Variants in ZNF805 observed in about 807,000 individuals in gnomAD.
ZNF805 encodes CTC-444N24.8.
ZNF805 carries 7 observed loss-of-function variants against 13.6 expected under a neutral mutation model. The ratio of observed to expected loss-of-function variants is 0.51; its 90% CI spans 0.29 to 0.97. The LOEUF (loss-of-function observed/expected upper bound fraction) is 0.97, where lower values mean the gene tolerates loss of function less well. Ranked by LOEUF, ZNF805 falls within the 50% of genes least tolerant of loss-of-function variation. The pLI is 0.08. For synonymous variants in ZNF805, 293 were observed against 279.8 expected, an observed-to-expected ratio of 1.05 and a Z score of -0.47; for missense variants, 604 against 771.0, an observed-to-expected ratio of 0.78 and a Z score of 2.57.
intron 3 of ZNF805, 122 bp from the exon 4 acceptor site, chr19:57,252,951 G>A: frequency 1.1e-6 from 1 of 883,836 alleles, no homozygotes; most frequent in South Asian, 4.1e-5. Flanking sequence ...GGTTCAAGAT[G>A]GCAAAATATA....
At chr19:57,248,169 G>C (rs1260230183) in intron 2 of ZNF805, among the ~76,000 whole-genome samples, 1 of 151,058 alleles carries the variant, frequency 6.6e-6, no homozygotes, top group East Asian at 1.9e-4. Flanking sequence ...TTTAGTCTTT[G>C]GTTTAGAGGA....
Position 57,253,053 on chromosome 19 carries a change from G to C in ZNF805, c.254-20G>C, listed in dbSNP as rs912095245. ...TTTTACATTACTAACAAGCCCTTCT[G>C]TGTGTTGGATTTCTTTCAGGTGACA... On this transcript the variant is annotated intron_variant, in intron 3 of 3. Coordinates refer to ENST00000414468, the MANE Select transcript of ZNF805 (RefSeq NM_001023563.4). This position sits in a 1 kb window ranked among gnomAD's most constrained non-coding sequence, Gnocchi z 4.4. The C allele has an allele frequency of 2.7e-5, 39 of 1,420,138 alleles. No individual in the cohort carries two copies. Among genetic ancestry groups the C allele is most frequent in the Non-Finnish European group, 3.0e-5 (33 of 1,084,720 alleles). 88.0% of individuals were successfully genotyped at this position (1,420,138 alleles called of 1,614,324 possible).
chr19:57,241,302 A>G (rs10423613), intron 1 of ZNF805, among the ~76,000 whole-genome samples: 36,299 of 151,768 alleles, frequency 0.24, 4,497 homozygotes, highest in South Asian at 0.31. Context: ...CTGGAACAGT[A>G]GGCCCCAAAT....
chr19:57,242,721 G>A lies in ZNF805; in HGVS notation c.31-1202G>A, dbSNP rs115969871. ...CAGGCATTTGGTACTTGTGAATTTG[G>A]TGATGAGGGTTTTGCCCACATCTTG... On this transcript the variant is annotated intron_variant, in intron 1 of 3. Coordinates refer to ENST00000414468, the MANE Select transcript of ZNF805 (RefSeq NM_001023563.4). 3.1e-3 allele frequency among the ~76,000 whole-genome samples: 466 copies of A among 152,272 alleles called. 3 individuals carry two copies. Among genetic ancestry groups the A allele is most frequent in the African/African-American group, 0.011 (453 of 41,544 alleles).
At chr19:57,241,169 CT>C (rs2087577708) in intron 1 of ZNF805, among the ~76,000 whole-genome samples, 1 of 152,038 alleles carries the variant, frequency 6.6e-6, no homozygotes, top group African/African-American at 2.4e-5. Context: ...TTGTAGCAAC[CT>C]GCCCAGGAAA....
Position 57,262,197 on chromosome 19 carries a change from GCT to G in ZNF805, c.*7497_*7498del, listed in dbSNP as rs1475412114. On this transcript the variant is annotated 3_prime_UTR_variant, in exon 4 of 4. Transcript: ENST00000414468. ...ATCAAAGAATAGCAGTCTCTGGCCT[GCT>G]CTGTTCTCTTTTTCACAGTAACTTA... 1 of 167,028 alleles carries G rather than the reference GCT, an allele frequency of 6.0e-6. No homozygotes were observed. The highest frequency in any genetic ancestry group is 1.5e-5 in the Non-Finnish European group (1 of 68,122). The allele number at this position is 167,028 out of a possible 1,614,324, so 10.3% of individuals were successfully genotyped here. A position where few individuals can be genotyped will look rare whatever the true frequency, so the allele number is the denominator to read the frequency against.
Position 57,253,130 on chromosome 19 carries a change from A to C in ZNF805, c.311A>C (p.Glu104Ala), listed in dbSNP as rs1196528074. Reference protein sequence around the residue: ...EPTTCELALSEGISFWGQLTQ... With the variant: ...EPTTCELALSAGISFWGQLTQ... Reference sequence around the variant, plus strand: ...ACCACCTGTGAGCTAGCCTTGTCTGAAGGAATCTCTTTTTGGGGACAACTA... The same window carrying C: ...ACCACCTGTGAGCTAGCCTTGTCTGCAGGAATCTCTTTTTGGGGACAACTA... Residue 104 changes from glutamate to alanine, a missense_variant, in exon 4 of 4, where the codon GAA becomes GCA. By Grantham distance (107) the Glu-to-Ala change is moderately radical (BLOSUM62 -1). Around this residue, in one of 3 missense-constraint regions of ZNF805, gnomAD observed 327 missense variants for 378.2 expected, o/e 0.86. Transcript: ENST00000414468. This position sits in a 1 kb window ranked among gnomAD's most constrained non-coding sequence, Gnocchi z 4.4. 6.6e-7 allele frequency: 1 copy of C among 1,521,902 alleles called. No homozygotes were observed. Among genetic ancestry groups the C allele is most frequent in the Non-Finnish European group, 8.8e-7 (1 of 1,138,720 alleles). 94.3% of individuals were successfully genotyped at this position (1,521,902 alleles called of 1,614,324 possible).
chr19:57,243,754 TTACAG>T (rs1309312192), intron 1 of ZNF805, among the ~76,000 whole-genome samples, 164 bp from the exon 2 acceptor site: 2 of 152,220 alleles, frequency 1.3e-5, no homozygotes, highest in Non-Finnish European at 2.9e-5. Context: ...CTCTTTTACA[TTACAG>T]TAATCTGTCC....
intron 1 of ZNF805, among the ~76,000 whole-genome samples, chr19:57,243,687 C>T (rs10418480): frequency 0.46 from 70,497 of 152,004 alleles, 17,045 homozygotes; most frequent in Non-Finnish European, 0.53. Context: ...TCGCCATCCA[C>T]GAGTTATTGC....
Position 57,260,789 on chromosome 19 carries a change from T to C in ZNF805, c.*6086T>C, listed in dbSNP as rs1451398291. Among the ~76,000 whole-genome samples the C allele has an allele frequency of 6.6e-6, 1 of 152,234 alleles. No individual in the cohort carries two copies. The highest frequency in any genetic ancestry group is 1.5e-5 in the Non-Finnish European group (1 of 68,036). On this transcript the variant is annotated 3_prime_UTR_variant, in exon 4 of 4. Transcript: ENST00000414468. The stretch of plus-strand genomic sequence containing the variant: ...CCACTGGTCATCCTTCCACACCTTT[T>C]CTGTATTTGCACTCACTGAGCCTAT...
Position 57,254,408 on chromosome 19 carries a change from C to G in ZNF805, c.1589C>G (p.Ser530Cys). The change falls in exon 4 of 4, where the codon TCT (serine) becomes TGT (cysteine). Residue 530 changes from serine (S) to cysteine (C), a missense_variant. By Grantham distance (112) the Ser-to-Cys change is moderately radical. Around this residue, in one of 3 missense-constraint regions of ZNF805, gnomAD observed 228 missense variants for 352.8 expected, o/e 0.65. Transcript: ENST00000414468. ...FCWSTNLIRH[S>C]IIHTGEKPYE... ...TGGAGCACAAACCTCATTCGACACT[C>G]TATCATCCACACTGGAGAGAAGCCG... 1.9e-6 allele frequency: 3 copies of G among 1,612,490 alleles called. No individual in the cohort carries two copies. Among genetic ancestry groups the G allele is most frequent in the Non-Finnish European group, 2.5e-6 (3 of 1,179,494 alleles).
chr19:57,244,197 T>TA, intron 2 of ZNF805, 148 bp downstream of exon 2: 2 of 655,200 alleles, frequency 3.1e-6, no homozygotes, highest in Non-Finnish European at 4.4e-6. Flanking sequence ...ACTCACCTCT[T>TA]CCTTTTTTTT....
chr19:57,248,378 A>G (rs1485719569), intron 2 of ZNF805, among the ~76,000 whole-genome samples: 1 of 152,216 alleles, frequency 6.6e-6, no homozygotes, highest in African/African-American at 2.4e-5. Flanking sequence ...GGACATGGTT[A>G]TAGCCTATAA....
chr19:57,255,042 C>T lies in ZNF805; in HGVS notation c.*339C>T, dbSNP rs780782444. The T allele has an allele frequency of 5.1e-5, 11 of 214,110 alleles. No individual in the cohort carries two copies. Among genetic ancestry groups the T allele is most frequent in the Non-Finnish European group, 1.0e-4 (10 of 98,798 alleles). The allele number at this position is 214,110 out of a possible 1,614,324, so 13.3% of individuals were successfully genotyped here. Reference sequence around the variant, plus strand: ...CAATGTCTTTGTTCTACAACATTGTCTCTTCTTAAGAAGCATTGTTTTTAT... The same window carrying T: ...CAATGTCTTTGTTCTACAACATTGTTTCTTCTTAAGAAGCATTGTTTTTAT... On this transcript the variant is annotated 3_prime_UTR_variant, in exon 4 of 4. Coordinates refer to ENST00000414468, the MANE Select transcript of ZNF805 (RefSeq NM_001023563.4).
At chr19:57,252,988 T>A in intron 3 of ZNF805, 85 bp from the exon 4 acceptor site, 1 of 1,240,272 alleles carries the variant, frequency 8.1e-7, no homozygotes, top group Non-Finnish European at 1.1e-6. Context: ...CATTTATAAC[T>A]TCATTTTTTT....
chr19:57,243,127 G>A (rs2087589894), intron 1 of ZNF805, among the ~76,000 whole-genome samples: 1 of 152,188 alleles, frequency 6.6e-6, no homozygotes, highest in Admixed American at 6.5e-5. Flanking sequence ...AAGGCAGAAG[G>A]ATTGCTTGAG....
intron 2 of ZNF805, among the ~76,000 whole-genome samples, chr19:57,245,504 G>A (rs988222662): frequency 3.3e-5 from 5 of 152,142 alleles, no homozygotes; most frequent in Non-Finnish European, 7.3e-5. Context: ...GATGGGCCAG[G>A]TGCGATAGCT....
Position 57,255,074 on chromosome 19 carries a change from TAATG to T in ZNF805, c.*374_*377del, listed in dbSNP as rs574958351. 2.6e-3 allele frequency: 490 copies of T among 188,756 alleles called. 3 individuals carry two copies. Among genetic ancestry groups the T allele is most frequent in the African/African-American group, 0.011 (471 of 42,156 alleles). 11.7% of individuals were successfully genotyped at this position (188,756 alleles called of 1,614,324 possible). A position where few individuals can be genotyped will look rare whatever the true frequency, so the allele number is the denominator to read the frequency against. ...TAAGAAGCATTGTTTTTATGAGAAA[TAATG>T]AAGCCTTGAGTTATGAAATACTTTT... On this transcript the variant is annotated 3_prime_UTR_variant, in exon 4 of 4. Coordinates refer to ENST00000414468, the MANE Select transcript of ZNF805 (RefSeq NM_001023563.4).
chr19:57,241,012 C>G (rs2087576395), intron 1 of ZNF805, 91 bp downstream of exon 1: 12 of 1,398,958 alleles, frequency 8.6e-6, no homozygotes, highest in African/African-American at 1.5e-5. Context: ...CACAGGATTC[C>G]TCTTTGTAGT....
Sources: gnomAD v4.1 joint callset for allele counts (sites outside exome capture counted in the v4.1 genomes callset) on GRCh38, gnomAD v4.1.1 for gene constraint, gnomAD v4.1.1 regional missense constraint, Gnocchi (gnomAD v3.1) non-coding constraint, MANE v1.5 for transcripts, NCBI Gene and HGNC (gene_info 2026-07-23, HGNC 2026-07-21) for gene names.